The following FBXL4 variants were observed in gnomAD, a reference collection of about 807,000 sequenced individuals.
FBXL4 encodes the protein F-box and leucine rich repeat protein 4.
Under a neutral mutation model 58.9 loss-of-function variants are expected in FBXL4, and 40 were observed. The observed-to-expected ratio is 0.68, with a 90% CI of 0.53 to 0.88. The LOEUF (loss-of-function observed/expected upper bound fraction) is 0.88, where lower values mean the gene tolerates loss of function less well. Among genes scored for constraint, FBXL4 ranks in the 40% least tolerant of loss-of-function variants. FBXL4 has a pLI of 0.00. For missense variants in FBXL4, 676 were observed against 734.4 expected, an observed-to-expected ratio of 0.92 and a Z score of 0.92; for synonymous variants, 263 against 265.5, an observed-to-expected ratio of 0.99 and a Z score of 0.09.
At chr6:98,888,439 T>A (rs781638684) in intron 7 of FBXL4, among the ~76,000 whole-genome samples, 4 of 152,224 alleles carry the variant, frequency 2.6e-5, no homozygotes, top group Non-Finnish European at 4.4e-5. Flanking sequence ...CACTGCTACA[T>A]ATCTAGAACA....
chr6:98,912,743 C>A (rs572696746), intron 5 of FBXL4, among the ~76,000 whole-genome samples: 1 of 151,884 alleles, frequency 6.6e-6, no homozygotes, highest in South Asian at 2.1e-4. Context: ...TAAAGACCAT[C>A]GAGAATAGGA....
chr6:98,884,710 T>C (rs112125901), intron 7 of FBXL4, among the ~76,000 whole-genome samples: 2 of 152,330 alleles, frequency 1.3e-5, no homozygotes, highest in African/African-American at 4.8e-5. Context: ...CAAGTGCCCA[T>C]TTTGATCTGA....
chr6:98,902,284 C>T (rs561928050), intron 6 of FBXL4, among the ~76,000 whole-genome samples: 43 of 151,794 alleles, frequency 2.8e-4, no homozygotes, highest in African/African-American at 1.0e-3. Flanking sequence ...AATTTTAATC[C>T]CAAATAACTT....
chr6:98,871,537 A>C lies in FBXL4; in HGVS notation c.*2741T>G, dbSNP rs189237584. The C allele has an allele frequency of 6.6e-6, 1 of 152,372 alleles. No homozygotes were observed. Among genetic ancestry groups the C allele is most frequent in the Non-Finnish European group, 1.5e-5 (1 of 68,034 alleles). 9.4% of individuals were successfully genotyped at this position (152,372 alleles called of 1,614,324 possible). On this transcript the variant is annotated 3_prime_UTR_variant, in exon 10 of 10. Transcript: ENST00000369244. ...AGTAGAATCTGCTAAGATGTGTTACAACTGGTGGTGTTAAAAATGTGTGAA... is the reference window on the plus strand; with the variant it reads ...AGTAGAATCTGCTAAGATGTGTTACCACTGGTGGTGTTAAAAATGTGTGAA...
intron 1 of FBXL4, among the ~76,000 whole-genome samples, chr6:98,942,598 G>A (rs779429180): frequency 2.6e-5 from 4 of 152,196 alleles, no homozygotes; most frequent in Admixed American, 6.5e-5. Context: ...CTGCCACAAT[G>A]ATTGTAAATT....
intron 1 of FBXL4, among the ~76,000 whole-genome samples, chr6:98,943,923 A>C (rs890460269): frequency 2.6e-5 from 4 of 152,228 alleles, no homozygotes; most frequent in African/African-American, 9.7e-5. Context: ...ATTCAACCAA[A>C]ATCATAATCA....
chr6:98,918,486 A>G (rs1772455815), intron 4 of FBXL4, among the ~76,000 whole-genome samples: 1 of 152,230 alleles, frequency 6.6e-6, no homozygotes, highest in Non-Finnish European at 1.5e-5. Context: ...CTGCATATCT[A>G]TTCTTCAAGG....
chr6:98,905,370 A>G (rs201106681), intron 6 of FBXL4, 56 bp downstream of exon 6: 84 of 1,580,500 alleles, frequency 5.3e-5, no homozygotes, highest in Non-Finnish European at 7.0e-5. Context: ...CCACTACATA[A>G]TAAGTATAAC....
intron 1 of FBXL4, among the ~76,000 whole-genome samples, chr6:98,936,816 C>A (rs1435127670): frequency 6.6e-6 from 1 of 152,164 alleles, no homozygotes; most frequent in Non-Finnish European, 1.5e-5. Flanking sequence ...GGGATTGGCA[C>A]CCCTAACCTT....
At chr6:98,906,012 A>C (rs1404930861) in intron 5 of FBXL4, among the ~76,000 whole-genome samples, 2 of 152,178 alleles carry the variant, frequency 1.3e-5, no homozygotes, top group South Asian at 2.1e-4. Context: ...GAAAAGAAAG[A>C]GTGCCCATTC....
intron 7 of FBXL4, among the ~76,000 whole-genome samples, chr6:98,891,492 G>C (rs1163245428): frequency 6.6e-6 from 1 of 151,994 alleles, no homozygotes; most frequent in Non-Finnish European, 1.5e-5. Context: ...TCACTGTATT[G>C]GATCTTTCCT....
chr6:98,945,998 G>T (rs984994372), intron 1 of FBXL4, among the ~76,000 whole-genome samples: 30 of 152,170 alleles, frequency 2.0e-4, no homozygotes, highest in Admixed American at 2.0e-3. Context: ...ATTTTAAAGG[G>T]GGGAGGGAGG....
intron 1 of FBXL4, among the ~76,000 whole-genome samples, chr6:98,947,397 G>C (rs1773661344): frequency 6.6e-6 from 1 of 152,240 alleles, no homozygotes; most frequent in African/African-American, 2.4e-5. Flanking sequence ...GGGAAATCAA[G>C]GCAGCAGGCA....
chr6:98,911,431 C>T (rs1772062432), intron 5 of FBXL4, among the ~76,000 whole-genome samples: 1 of 152,190 alleles, frequency 6.6e-6, no homozygotes. Context: ...AGGCACCCTC[C>T]AGTAGGGGCA....
chr6:98,925,890 T>G (rs1195118468), intron 4 of FBXL4, among the ~76,000 whole-genome samples: 1 of 152,210 alleles, frequency 6.6e-6, no homozygotes, highest in African/African-American at 2.4e-5. Flanking sequence ...CATGTGAGAC[T>G]GCATTATATT....
At chr6:98,939,757 T>C (rs1562252950) in intron 1 of FBXL4, among the ~76,000 whole-genome samples, 1 of 152,246 alleles carries the variant, frequency 6.6e-6, no homozygotes, top group South Asian at 2.1e-4. Flanking sequence ...AAGGGTCCCA[T>C]GGTGTTATTC....
chr6:98,888,174 A>C (rs567662811), intron 7 of FBXL4, among the ~76,000 whole-genome samples: 1 of 152,354 alleles, frequency 6.6e-6, no homozygotes, highest in South Asian at 2.1e-4. Flanking sequence ...AGGAGTTGGC[A>C]AACTACTGTC....
chr6:98,877,078 G>A (rs753693251), intron 8 of FBXL4, among the ~76,000 whole-genome samples: 19 of 152,098 alleles, frequency 1.2e-4, no homozygotes, highest in Admixed American at 2.6e-4. Context: ...TTGGATTAAG[G>A]TGGCAATGAT....
chr6:98,899,077 T>C (rs748499851), intron 7 of FBXL4, 191 bp downstream of exon 7: 54 of 985,208 alleles, frequency 5.5e-5, no homozygotes, highest in Non-Finnish European at 6.4e-5. Flanking sequence ...CATTTCCTTA[T>C]AATTTAAAAG....
Sources: allele counts gnomAD v4.1 joint callset (sites outside exome capture counted in the v4.1 genomes callset), GRCh38; gene constraint gnomAD v4.1.1; transcripts MANE v1.5; gene names NCBI Gene and HGNC (gene_info 2026-07-23, HGNC 2026-07-21).